The following SCAMP3 variants were observed in gnomAD, a reference collection of about 807,000 sequenced individuals.
SCAMP3 encodes the protein secretory carrier-associated membrane protein 3.
A neutral mutation model predicts 44.1 loss-of-function variants in SCAMP3; 30 were observed. The observed-to-expected ratio is 0.68, with a 90% confidence interval of 0.51 to 0.92. SCAMP3 has a LOEUF of 0.92. Ranked by LOEUF, SCAMP3 falls within the 40% of genes least tolerant of loss-of-function variation. SCAMP3 has a pLI of 0.00. For synonymous variants in SCAMP3, 168 were observed against 171.1 expected, an observed-to-expected ratio of 0.98 and a Z score of 0.14; for missense variants, 394 against 440.0, an observed-to-expected ratio of 0.90 and a Z score of 0.93.
At chr1:155,260,280 T>C in intron 4 of SCAMP3, 50 bp downstream of exon 4, 2 of 1,600,224 alleles carry the variant, frequency 1.2e-6, no homozygotes, top group Non-Finnish European at 1.7e-6. Context: ...TTAAGACCTG[T>C]TTTTGCTCCT....
At chr1:155,262,061 A>C (rs764283297) in intron 1 of SCAMP3, 25 bp downstream of exon 1, 1 of 1,611,992 alleles carries the variant, frequency 6.2e-7, no homozygotes, top group Non-Finnish European at 8.5e-7. Flanking sequence ...TGACCGCCCA[A>C]AAGAGGCCGA....
At position 155,256,415 on chromosome 1, in the gene SCAMP3, T is replaced by C. The variant is rs765580566; in HGVS notation, c.902A>G (p.His301Arg). ...VLGIVMLKRI[H>R]SLYRRTGASF... ...GGCACCTGTGCGGCGGTATAAGGAG[T>C]GGATCTGCAAGTAGAGGACAAAGAC... Residue 301 changes from histidine (H) to arginine (R), a missense_variant, in exon 9 of 9, where the codon CAC (histidine) becomes CGC (arginine). Transcript: ENST00000302631. 3 of 1,580,028 alleles carry C rather than the reference T, an allele frequency of 1.9e-6. No homozygotes were observed. The highest frequency in any genetic ancestry group is 2.3e-5 in the South Asian group (2 of 87,842).
intron 4 of SCAMP3, among the ~76,000 whole-genome samples, chr1:155,259,432 AG>A (rs1672897932): frequency 6.6e-6 from 1 of 152,096 alleles, no homozygotes; most frequent in Non-Finnish European, 1.5e-5. Flanking sequence ...GGCCTCCCAG[AG>A]TGCTGGGATT....
chr1:155,262,019 G>T, intron 1 of SCAMP3, 67 bp downstream of exon 1: 1 of 1,481,410 alleles, frequency 6.8e-7, no homozygotes, highest in Non-Finnish European at 9.4e-7. Flanking sequence ...ATACAAGTTA[G>T]CCCGACCCTA....
chr1:155,261,279 C>T lies in SCAMP3; in HGVS notation c.144+378G>A, dbSNP rs1672955127. 5 of 209,204 alleles carry T rather than the reference C, an allele frequency of 2.4e-5. No homozygotes were observed. The South Asian group carries it at 4.1e-4, about 17-fold the overall frequency. 13.0% of individuals were successfully genotyped at this position (209,204 alleles called of 1,614,324 possible). ...AACCCCTTAAATTCTTACAACTCAC[C>T]ATCTTCTAATCCAGTGGGACAAACA... On this transcript the variant is annotated intron_variant, in intron 2 of 8. Transcript: ENST00000302631.
At chr1:155,261,941 C>T (rs1672977246) in intron 1 of SCAMP3, 145 bp downstream of exon 1, 1 of 859,766 alleles carries the variant, frequency 1.2e-6, no homozygotes, top group East Asian at 2.6e-5. Context: ...CCCCAGAGTG[C>T]TCACTGGTCT....
chr1:155,260,378 C>T lies in SCAMP3; in HGVS notation c.340G>A (p.Asp114Asn). 1.2e-6 allele frequency: 2 copies of T among 1,613,848 alleles called. No individual in the cohort carries two copies. Among genetic ancestry groups the T allele is most frequent in the East Asian group, 4.5e-5 (2 of 44,884 alleles). Residue 114 changes from aspartate (D) to asparagine (N), a missense_variant, in exon 4 of 9, where the codon GAC becomes AAC. Coordinates refer to ENST00000302631, the MANE Select transcript of SCAMP3 (RefSeq NM_005698.4). ...EELNRKAEEL[D>N]RRERELQHAA... ...TGCTGCAGCTCTCGCTCCCTTCGGT[C>T]CAACTCCTCTGCCTTCCGGTTGAGC...
chr1:155,258,318 CTTTTTTTTTTTTTTTTTTTTTTTT>C (rs71996352), intron 5 of SCAMP3, among the ~76,000 whole-genome samples: 33 of 86,570 alleles, frequency 3.8e-4, no homozygotes, highest in Admixed American at 7.3e-4. Flanking sequence ...CGTGCCCGGC[CTTTTTTTTTTTTTTTTTTTTTTTT>C]TTTTTTTTTT....
At chr1:155,259,739 A>G (rs1672908332) in intron 4 of SCAMP3, among the ~76,000 whole-genome samples, 1 of 152,174 alleles carries the variant, frequency 6.6e-6, no homozygotes, top group South Asian at 2.1e-4. Context: ...ACTGTTTATT[A>G]TTATTTAAAA....
rs1462266925 is a variant in SCAMP3, at chr1:155,257,661, A to T, written c.518-4T>A. 5 of 1,553,698 alleles carry T rather than the reference A, an allele frequency of 3.2e-6. No homozygotes were observed. The highest frequency in any genetic ancestry group is 4.4e-6 in the Non-Finnish European group (5 of 1,148,526). On this transcript the variant is annotated splice_polypyrimidine_tract_variant and splice_region_variant and intron_variant, in intron 5 of 8. Coordinates refer to ENST00000302631, the MANE Select transcript of SCAMP3 (RefSeq NM_005698.4). ...AGGAGAAGAGCCAGCGTGCTGCCTAAGGGGCAGAGGGACAGGATGAGGAGC... is the reference window on the plus strand; with the variant it reads ...AGGAGAAGAGCCAGCGTGCTGCCTATGGGGCAGAGGGACAGGATGAGGAGC...
Position 155,262,191 on chromosome 1 carries a change from C to A in SCAMP3, c.-40G>T. 2 of 1,592,688 alleles carry A rather than the reference C, an allele frequency of 1.3e-6. No homozygotes were observed. Among genetic ancestry groups the A allele is most frequent in the Non-Finnish European group, 1.7e-6 (2 of 1,165,414 alleles). On this transcript the variant is annotated 5_prime_UTR_variant, in exon 1 of 9. Transcript: ENST00000302631. ...CCTCCGCGGCCCTCTGCCCTCCACG[C>A]CCCTGCCGCAGCAGTGGCGGTAGCG...
At chr1:155,260,693 C>T in intron 2 of SCAMP3, 34 bp from the exon 3 acceptor site, 2 of 1,563,088 alleles carry the variant, frequency 1.3e-6, no homozygotes, top group Admixed American at 3.7e-5. Flanking sequence ...ATCATCTAGT[C>T]CCTCATAACA....
chr1:155,259,037 G>T, intron 4 of SCAMP3, 83 bp from the exon 5 acceptor site: 4 of 1,125,400 alleles, frequency 3.6e-6, no homozygotes, highest in Non-Finnish European at 4.9e-6. Flanking sequence ...CTCCATCCCT[G>T]GATCCTCTCT....
At position 155,262,288 on chromosome 1, in the gene SCAMP3, C is replaced by T; in HGVS notation, c.-137G>A. ...CTGTGCACGGATTGGTTCCACCGAC[C>T]GGAAGGGCCACAAGGATCCCCGCAG... is the stretch of plus-strand genomic sequence containing the variant. On this transcript the variant is annotated 5_prime_UTR_variant, in exon 1 of 9. Transcript: ENST00000302631. 1.3e-6 allele frequency: 1 copy of T among 751,310 alleles called. No homozygotes were observed. The highest frequency in any genetic ancestry group is 2.1e-6 in the Non-Finnish European group (1 of 473,590). The allele number at this position is 751,310 out of a possible 1,614,324, so 46.5% of individuals were successfully genotyped here. A position where few individuals can be genotyped will look rare whatever the true frequency, so the allele number is the denominator to read the frequency against.
chr1:155,256,135 C>G lies in SCAMP3; in HGVS notation c.*138G>C. 1 of 849,238 alleles carries G rather than the reference C, an allele frequency of 1.2e-6. No homozygotes were observed. The highest frequency in any genetic ancestry group is 2.7e-5 in the East Asian group (1 of 36,436). The allele number at this position is 849,238 out of a possible 1,614,324, so 52.6% of individuals were successfully genotyped here. ...GAACTCCCCACACGCCTGTCAGGTT[C>G]AGCAGTCATGGCCATAGGATTGGGA... On this transcript the variant is annotated 3_prime_UTR_variant, in exon 9 of 9. Coordinates refer to ENST00000302631, the MANE Select transcript of SCAMP3 (RefSeq NM_005698.4).
rs770962856 is a variant in SCAMP3, at chr1:155,258,989, G to A, written c.389-35C>T. The A allele has an allele frequency of 5.1e-6, 8 of 1,555,292 alleles. No individual in the cohort carries two copies. In the South Asian group the frequency reaches 8.1e-5, roughly 16 times the overall value. ...ACAAAAAAACAGGTGGACCCCAGAA[G>A]TAAAACAGAGACCAACAAAGGAATC... On this transcript the variant is annotated intron_variant, in intron 4 of 8. Coordinates refer to ENST00000302631, the MANE Select transcript of SCAMP3 (RefSeq NM_005698.4).
chr1:155,256,608 T>G, intron 8 of SCAMP3, 66 bp downstream of exon 8: 1 of 1,468,062 alleles, frequency 6.8e-7, no homozygotes, highest in Non-Finnish European at 9.5e-7. Flanking sequence ...CTCCTGAATG[T>G]TCCACCCACG....
chr1:155,256,526 T>A lies in SCAMP3; in HGVS notation c.898-107A>T. The A allele has an allele frequency of 3.5e-6, 5 of 1,414,346 alleles. No individual in the cohort carries two copies. In the South Asian group the frequency reaches 3.8e-5, roughly 11 times the overall value. The allele number at this position is 1,414,346 out of a possible 1,614,324, so 87.6% of individuals were successfully genotyped here. ...GCAGCCTGCTGCCCAGCACACACAC[T>A]CACACACAGAAACACACACCCCAGA... is the stretch of plus-strand genomic sequence containing the variant. On this transcript the variant is annotated intron_variant, in intron 8 of 8. Transcript: ENST00000302631.
At chr1:155,259,580 G>T (rs1235964645) in intron 4 of SCAMP3, among the ~76,000 whole-genome samples, 1 of 152,016 alleles carries the variant, frequency 6.6e-6, no homozygotes, top group African/African-American at 2.4e-5. Context: ...GTCCAGGTTG[G>T]TCTCTAACTC....
Sources: allele counts gnomAD v4.1 joint callset (sites outside exome capture counted in the v4.1 genomes callset), GRCh38; gene constraint gnomAD v4.1.1; transcripts MANE v1.5; gene names NCBI Gene and HGNC (gene_info 2026-07-23, HGNC 2026-07-21).